Variants in RORA observed in about 807,000 individuals in gnomAD.
The protein encoded by RORA is nuclear receptor ROR-alpha.
Under a neutral mutation model 69.5 loss-of-function variants are expected in RORA, and 7 were observed. The observed-to-expected ratio is 0.10, with a 90% confidence interval of 0.06 to 0.19. The LOEUF (loss-of-function observed/expected upper bound fraction) is 0.19, where lower values mean the gene tolerates loss of function less well. Among genes scored for constraint, RORA ranks in the 10% least tolerant of loss-of-function variants. The probability of loss-of-function intolerance (pLI) is 1.00; values close to 1 mark genes in which losing one functional copy is unlikely to be tolerated. For missense variants in RORA, 457 were observed against 663.0 expected (o/e 0.69, Z 3.41); for synonymous variants, 261 against 240.8 (o/e 1.08, Z -0.78).
intron 1 of RORA, among the ~76,000 whole-genome samples, chr15:60,964,202 G>T (rs1318921439): frequency 6.6e-6 from 1 of 152,246 alleles, no homozygotes; most frequent in Non-Finnish European, 1.5e-5. Flanking sequence ...TTCCCATTCT[G>T]TTGAAGCCAT....
At chr15:60,922,097 A>G (rs1024652785) in intron 1 of RORA, among the ~76,000 whole-genome samples, 2 of 152,206 alleles carry the variant, frequency 1.3e-5, no homozygotes, top group African/African-American at 4.8e-5. Context: ...GCATATATAC[A>G]TCAGTTTGCA....
At chr15:61,142,668 TAG>T (rs1363728340) in intron 1 of RORA, among the ~76,000 whole-genome samples, 1 of 152,116 alleles carries the variant, frequency 6.6e-6, no homozygotes, top group African/African-American at 2.4e-5. Context: ...CACCACCAAA[TAG>T]AGCTTATTAA....
In RORA at chr15:60,851,171, T is replaced by C. The variant is rs181875096; in HGVS notation, c.167-172485A>G. On this transcript the variant is annotated intron_variant, in intron 1 of 10. Coordinates refer to ENST00000335670, the MANE Select transcript of RORA (RefSeq NM_134261.3). ...AACGATGTACATATACACACATAAA[T>C]AGAAAAACCCTCCATAATCCTTGAC... 8.0e-4 allele frequency among the ~76,000 whole-genome samples: 122 copies of C among 152,242 alleles called. 1 individual carries two copies. The highest frequency in any genetic ancestry group is 9.9e-4 in the African/African-American group (41 of 41,542).
intron 1 of RORA, among the ~76,000 whole-genome samples, chr15:61,065,066 A>G (rs764647304): frequency 1.3e-5 from 2 of 152,206 alleles, no homozygotes; most frequent in Non-Finnish European, 2.9e-5. Flanking sequence ...TCACAAATTA[A>G]CAATAGTGTT....
chr15:60,901,331 C>A (rs1302507564), intron 1 of RORA, among the ~76,000 whole-genome samples: 1 of 152,158 alleles, frequency 6.6e-6, no homozygotes, highest in African/African-American at 2.4e-5. Flanking sequence ...GCCACCACAC[C>A]CAGCTAATTT....
intron 1 of RORA, among the ~76,000 whole-genome samples, chr15:60,802,951 C>CT (rs71122876): frequency 0.21 from 31,085 of 151,244 alleles, 3,324 homozygotes; most frequent in South Asian, 0.29. Context: ...TGTTTTGTTT[C>CT]TTTTTTAAAA....
At chr15:61,026,260 C>T (rs950141926) in intron 1 of RORA, among the ~76,000 whole-genome samples, 2 of 152,216 alleles carry the variant, frequency 1.3e-5, no homozygotes, top group South Asian at 4.1e-4. Context: ...TAAAGTTCAC[C>T]GTTAAAGCTA....
At chr15:60,818,952 A>G (rs980956971) in intron 1 of RORA, among the ~76,000 whole-genome samples, 2 of 152,230 alleles carry the variant, frequency 1.3e-5, no homozygotes, top group African/African-American at 4.8e-5. Context: ...GCCAAGAGGC[A>G]TGTTGAAGAA....
At chr15:60,808,059 A>G (rs1191512433) in intron 1 of RORA, among the ~76,000 whole-genome samples, 2 of 152,190 alleles carry the variant, frequency 1.3e-5, no homozygotes, top group Non-Finnish European at 2.9e-5. Context: ...TGCAACAAAA[A>G]CAAAGATAAA....
intron 3 of RORA, among the ~76,000 whole-genome samples, chr15:60,523,067 GA>G (rs2141400552): frequency 7.7e-6 from 1 of 130,218 alleles, no homozygotes; most frequent in South Asian, 3.0e-4. Flanking sequence ...AAAAACTGAT[GA>G]AAATTATAAT....
At chr15:61,019,936 C>T (rs562266638) in intron 1 of RORA, among the ~76,000 whole-genome samples, 7 of 152,320 alleles carry the variant, frequency 4.6e-5, no homozygotes, top group Admixed American at 3.9e-4. Flanking sequence ...ACCAACTTCC[C>T]GTCCTCTGAC....
Position 60,839,139 on chromosome 15 carries a change from C to A in RORA, c.167-160453G>T, listed in dbSNP as rs556283344. ...AGTCTTGATCTCCTGGCCTCGTGAT[C>A]CACCTGCCTCGGCCTCCCAAAGTGC... On this transcript the variant is annotated intron_variant, in intron 1 of 10. Transcript: ENST00000335670. Among the ~76,000 whole-genome samples, 3 of 152,238 alleles carry A rather than the reference C, an allele frequency of 2.0e-5. No homozygotes were observed. In the South Asian group the frequency reaches 6.2e-4, roughly 32 times the overall value.
chr15:60,627,046 C>T (rs1466597091), intron 2 of RORA, among the ~76,000 whole-genome samples: 1 of 152,198 alleles, frequency 6.6e-6, no homozygotes, highest in African/African-American at 2.4e-5. Flanking sequence ...GCTTGGGCAT[C>T]CCACCTCGGG....
chr15:61,140,360 G>C (rs190221779), intron 1 of RORA, among the ~76,000 whole-genome samples: 1 of 152,178 alleles, frequency 6.6e-6, no homozygotes, highest in African/African-American at 2.4e-5. Flanking sequence ...ACCAGCACCT[G>C]TAGGTGTGCT....
At chr15:60,936,982 A>AT (rs1217484803) in intron 1 of RORA, among the ~76,000 whole-genome samples, 4 of 151,554 alleles carry the variant, frequency 2.6e-5, no homozygotes, top group Admixed American at 6.6e-5. Flanking sequence ...TAGGTCTTAT[A>AT]TTTTTTTTTA....
At chr15:60,838,127 C>G (rs1318756145) in intron 1 of RORA, among the ~76,000 whole-genome samples, 1 of 152,152 alleles carries the variant, frequency 6.6e-6, no homozygotes, top group Non-Finnish European at 1.5e-5. Flanking sequence ...CGAGCCATCC[C>G]AAGTGGTGGG....
chr15:60,853,003 T>C (rs2073342186), intron 1 of RORA, among the ~76,000 whole-genome samples: 3 of 152,192 alleles, frequency 2.0e-5, no homozygotes, highest in Non-Finnish European at 4.4e-5. Context: ...ATCCTTTGTG[T>C]CTGTCGCTGT....
intron 2 of RORA, among the ~76,000 whole-genome samples, chr15:60,634,412 TTTC>T (rs1473262043): frequency 2.0e-5 from 3 of 148,388 alleles, no homozygotes; most frequent in African/African-American, 7.9e-5. Context: ...TTTTTTTTTT[TTTC>T]TTTTTTTTGA....
intron 1 of RORA, among the ~76,000 whole-genome samples, chr15:60,822,515 C>T (rs1053243364): frequency 6.6e-6 from 1 of 152,188 alleles, no homozygotes; most frequent in African/African-American, 2.4e-5. Flanking sequence ...CCAGTTCTTT[C>T]ATATGACAGG....
Sources: gnomAD v4.1 joint callset for allele counts (sites outside exome capture counted in the v4.1 genomes callset) on GRCh38, gnomAD v4.1.1 for gene constraint, MANE v1.5 for transcripts, NCBI Gene and HGNC (gene_info 2026-07-23, HGNC 2026-07-21) for gene names.